The following NRXN3 variants were observed in gnomAD, a reference collection of about 807,000 sequenced individuals.
NRXN3 encodes the protein neurexin 3.
A neutral mutation model predicts 137.6 loss-of-function variants in NRXN3; 32 were observed. The ratio of observed to expected loss-of-function variants is 0.23; its 90% confidence interval spans 0.18 to 0.31. The LOEUF (loss-of-function observed/expected upper bound fraction) is 0.31, where lower values mean the gene tolerates loss of function less well. Among genes scored for constraint, NRXN3 ranks in the 10% least tolerant of loss-of-function variants. The pLI is 1.00. For synonymous variants in NRXN3, 798 were observed against 784.5 expected (o/e 1.02, Z -0.29); for missense variants, 1,574 against 2,062.5 (o/e 0.76, Z 4.59).
intron 16 of NRXN3, among the ~76,000 whole-genome samples, chr14:79,594,373 C>T (rs1179189752): frequency 6.6e-6 from 1 of 152,052 alleles, no homozygotes; most frequent in Non-Finnish European, 1.5e-5. Flanking sequence ...TGATACTAAT[C>T]AGAGCATGTC....
At chr14:78,884,563 T>A (rs148053650) in intron 10 of NRXN3, among the ~76,000 whole-genome samples, 1 of 152,328 alleles carries the variant, frequency 6.6e-6, no homozygotes, top group African/African-American at 2.4e-5. Flanking sequence ...CCTATCCAAC[T>A]TGGATCTGTG....
At chr14:78,344,957 C>G (rs1228339926) in intron 4 of NRXN3, among the ~76,000 whole-genome samples, 1 of 152,126 alleles carries the variant, frequency 6.6e-6, no homozygotes, top group African/African-American at 2.4e-5. Context: ...GTTTAGAAAG[C>G]CTGGTTCCAC....
intron 20 of NRXN3, among the ~76,000 whole-genome samples, chr14:79,825,549 A>T (rs1429016566): frequency 6.6e-6 from 1 of 152,240 alleles, no homozygotes; most frequent in Non-Finnish European, 1.5e-5. Context: ...CACAATGCTT[A>T]TGTGATACAC....
chr14:78,700,643 G>T (rs2098269257), intron 6 of NRXN3, among the ~76,000 whole-genome samples: 1 of 152,108 alleles, frequency 6.6e-6, no homozygotes, highest in South Asian at 2.1e-4. Context: ...GTTCTTATTT[G>T]TTAACTTAGT....
At chr14:78,646,892 C>T (rs1229673575) in intron 5 of NRXN3, among the ~76,000 whole-genome samples, 1 of 152,214 alleles carries the variant, frequency 6.6e-6, no homozygotes, top group Non-Finnish European at 1.5e-5. Context: ...CATTTGCTAA[C>T]ACATAAGGGC....
At chr14:78,182,594 C>T (rs973691753) in intron 1 of NRXN3, among the ~76,000 whole-genome samples, 4 of 152,102 alleles carry the variant, frequency 2.6e-5, no homozygotes, top group Non-Finnish European at 4.4e-5. Flanking sequence ...CTCAGCCTCC[C>T]GAGTAGCTGG....
intron 10 of NRXN3, among the ~76,000 whole-genome samples, chr14:78,918,488 G>A (rs2099262706): frequency 6.6e-6 from 1 of 151,986 alleles, no homozygotes; most frequent in African/African-American, 2.4e-5. Context: ...AGTAATAAAC[G>A]CTGAGATATA....
intron 4 of NRXN3, among the ~76,000 whole-genome samples, chr14:78,315,234 C>T (rs1404684015): frequency 6.6e-6 from 1 of 151,926 alleles, no homozygotes; most frequent in South Asian, 2.1e-4. Context: ...CTAAGTTGAT[C>T]CGCCCACCTC....
intron 15 of NRXN3, among the ~76,000 whole-genome samples, chr14:79,430,262 C>T (rs1198755993): frequency 6.6e-6 from 1 of 152,182 alleles, no homozygotes; most frequent in Non-Finnish European, 1.5e-5. Flanking sequence ...ATCTTGAAGA[C>T]AGGATGTATC....
intron 15 of NRXN3, among the ~76,000 whole-genome samples, chr14:79,305,456 T>C (rs2085884785): frequency 6.6e-6 from 1 of 152,014 alleles, no homozygotes; most frequent in Non-Finnish European, 1.5e-5. Context: ...CAGAGCTAAA[T>C]GAAGTAAGCA....
chr14:79,278,873 C>A (rs1031315236), intron 15 of NRXN3, among the ~76,000 whole-genome samples: 1 of 152,202 alleles, frequency 6.6e-6, no homozygotes, highest in African/African-American at 2.4e-5. Context: ...GGAGAGTGGT[C>A]GCCCAAGCCA....
At chr14:79,424,013 C>T (rs1259656841) in intron 15 of NRXN3, among the ~76,000 whole-genome samples, 3 of 152,138 alleles carry the variant, frequency 2.0e-5, no homozygotes, top group Non-Finnish European at 4.4e-5. Flanking sequence ...AATTGCACTC[C>T]TCTTGAAGTT....
chr14:78,947,726 A>G (rs1246555398), intron 10 of NRXN3, among the ~76,000 whole-genome samples: 2 of 152,132 alleles, frequency 1.3e-5, no homozygotes, highest in Non-Finnish European at 2.9e-5. Context: ...ATTTACAACC[A>G]TGGTCCCTCA....
At chr14:79,787,072 C>G (rs1234285848) in intron 19 of NRXN3, among the ~76,000 whole-genome samples, 1 of 151,524 alleles carries the variant, frequency 6.6e-6, no homozygotes, top group African/African-American at 2.4e-5. Flanking sequence ...CTCCAGTTTT[C>G]AGATCTACAT....
At chr14:79,044,538 T>G (rs914963722) in intron 15 of NRXN3, among the ~76,000 whole-genome samples, 2 of 152,236 alleles carry the variant, frequency 1.3e-5, no homozygotes, top group Non-Finnish European at 2.9e-5. Flanking sequence ...GCACAATGGC[T>G]GGCCCATGTT....
chr14:79,213,584 C>T (rs2068023563), intron 15 of NRXN3, among the ~76,000 whole-genome samples: 1 of 151,782 alleles, frequency 6.6e-6, no homozygotes, highest in African/African-American at 2.4e-5. Context: ...ACAGAGCTTT[C>T]CTGATGGGCC....
intron 1 of NRXN3, among the ~76,000 whole-genome samples, chr14:78,190,991 T>C (rs2153374150): frequency 6.6e-6 from 1 of 152,266 alleles, no homozygotes. Flanking sequence ...CTCTTTTATA[T>C]ATGAAAGGAA....
At chr14:78,863,614 G>T (rs2099078862) in intron 10 of NRXN3, among the ~76,000 whole-genome samples, 1 of 151,972 alleles carries the variant, frequency 6.6e-6, no homozygotes, top group Non-Finnish European at 1.5e-5. Context: ...CAAGTGCCTT[G>T]ACTCTCAATT....
chr14:78,769,014 G>T (rs1595684795), intron 8 of NRXN3, among the ~76,000 whole-genome samples: 2 of 152,164 alleles, frequency 1.3e-5, no homozygotes, highest in Non-Finnish European at 2.9e-5. Flanking sequence ...AAGTCTGGGG[G>T]TAGGGTTTAA....
Sources: allele counts gnomAD v4.1 joint callset (sites outside exome capture counted in the v4.1 genomes callset), GRCh38; gene constraint gnomAD v4.1.1; transcripts MANE v1.5; gene names NCBI Gene and HGNC (gene_info 2026-07-23, HGNC 2026-07-21).